PSME4: variants seen among roughly 807,000 people sequenced by gnomAD.
PSME4 encodes proteasome activator complex subunit 4.
Under a neutral mutation model 253.9 loss-of-function variants are expected in PSME4, and 89 were observed. That is an observed-to-expected ratio of 0.35 (90% CI 0.30 to 0.42). The LOEUF is 0.42. Among genes scored for constraint, PSME4 ranks in the 10% least tolerant of loss-of-function variants. The pLI is 1.00. For missense variants in PSME4, 2,014 were observed against 2,195.2 expected (o/e 0.92, Z 1.65); for synonymous variants, 851 against 759.2 (o/e 1.12, Z -1.99).
At chr2:53,963,069 C>A (rs1261048970) in intron 1 of PSME4, among the ~76,000 whole-genome samples, 1 of 151,524 alleles carries the variant, frequency 6.6e-6, no homozygotes, top group Non-Finnish European at 1.5e-5. Context: ...AATCCCAACA[C>A]TTTCCCAACA....
chr2:53,874,612 A>G (rs1679037805), intron 42 of PSME4, 118 bp from the exon 43 acceptor site: 2 of 1,040,588 alleles, frequency 1.9e-6, no homozygotes, highest in Non-Finnish European at 2.8e-6. Flanking sequence ...TTACACAGGT[A>G]TAGTTAGGAC....
At chr2:53,961,135 G>T (rs542823143) in intron 1 of PSME4, among the ~76,000 whole-genome samples, 1 of 152,080 alleles carries the variant, frequency 6.6e-6, no homozygotes, top group African/African-American at 2.4e-5. Flanking sequence ...AATGTTAAGT[G>T]TAAACCAAAT....
rs182361924 is a variant in PSME4 at position 53,892,215 on chromosome 2, C to T, written c.4191+593G>A. Among the ~76,000 whole-genome samples, 48 of 152,242 alleles carry T rather than the reference C, an allele frequency of 3.2e-4. 1 individual carries two copies. The East Asian group carries it at 9.1e-3, about 29-fold the overall frequency. Reference sequence around the variant, plus strand: ...AAAAACCCTATTTGTGTCATCTCTTCGACAAAATAGTGGTCTACCTTATGC... The same window carrying T: ...AAAAACCCTATTTGTGTCATCTCTTTGACAAAATAGTGGTCTACCTTATGC... On this transcript the variant is annotated intron_variant, in intron 36 of 46. Coordinates refer to ENST00000404125, the MANE Select transcript of PSME4 (RefSeq NM_014614.3).
intron 21 of PSME4, among the ~76,000 whole-genome samples, chr2:53,909,292 G>A (rs1243380113): frequency 1.3e-5 from 2 of 152,052 alleles, no homozygotes; most frequent in East Asian, 1.9e-4. Flanking sequence ...TTAATCCAGC[G>A]ATGAGAAAGG....
Position 53,901,446 on chromosome 2 carries a change from T to C in PSME4, c.3189A>G (p.Gln1063=), listed in dbSNP as rs2104435436. 1 of 1,614,150 alleles carries C rather than the reference T, an allele frequency of 6.2e-7. No homozygotes were observed. The highest frequency in any genetic ancestry group is 8.5e-7 in the Non-Finnish European group (1 of 1,179,988). ...TTGATGGCTTTTCCAGGGACATTGC[T>C]TGGCTAAGCCCTGAAGAAACAATCG... ...WPAIVSSGLS[Q]AMSLEKPSIV... is the part of the protein sequence containing the mutation. The change falls in exon 28 of 47, where the codon CAA becomes CAG. Residue 1063 remains glutamine, a synonymous_variant. Coordinates refer to ENST00000404125, the MANE Select transcript of PSME4 (RefSeq NM_014614.3).
Position 53,869,390 on chromosome 2 carries a change from G to T in PSME4, c.5249C>A (p.Thr1750Asn). 6.2e-7 allele frequency: 1 copy of T among 1,607,296 alleles called. No homozygotes were observed. Among genetic ancestry groups the T allele is most frequent in the Non-Finnish European group, 8.5e-7 (1 of 1,175,176 alleles). Reference protein sequence around the residue: ...RKRDPGSVGDTIPSAELVKRH... With the variant: ...RKRDPGSVGDNIPSAELVKRH... ...AGCAATGTTACCTGCAGAAGGAATG[G>T]TATCTCCTACAGAACCAGGGTCTCG... The change falls in exon 44 of 47, where the codon ACC becomes AAC. Residue 1750 changes from threonine (T) to asparagine (N), a missense_variant. By Grantham distance (65) the Thr-to-Asn change is moderately conservative. This residue lies in a region of PSME4 where 403 missense variants were observed against 556.1 expected (regional missense o/e 0.72). Coordinates refer to ENST00000404125, the MANE Select transcript of PSME4 (RefSeq NM_014614.3).
intron 39 of PSME4, 79 bp downstream of exon 39, chr2:53,887,779 A>G (rs1679708506): frequency 7.0e-7 from 1 of 1,423,528 alleles, no homozygotes; most frequent in African/African-American, 1.4e-5. Flanking sequence ...CATAACCAGC[A>G]TGTATTATTA....
At chr2:53,918,263 TG>T (rs1469341511) in intron 20 of PSME4, among the ~76,000 whole-genome samples, 6 of 152,208 alleles carry the variant, frequency 3.9e-5, no homozygotes, top group African/African-American at 1.4e-4. Context: ...ATATTGATGT[TG>T]AAAAAAATGG....
chr2:53,896,789 T>A lies in PSME4; in HGVS notation c.3688+15A>T. On this transcript the variant is annotated intron_variant, in intron 32 of 46. Coordinates refer to ENST00000404125, the MANE Select transcript of PSME4 (RefSeq NM_014614.3). ...TTATTGGAAAGCACTATTAATTACTTCTGGTAGTACTCACTGATTTCACAG... is the reference window on the plus strand; with the variant it reads ...TTATTGGAAAGCACTATTAATTACTACTGGTAGTACTCACTGATTTCACAG... 1 of 1,574,874 alleles carries A rather than the reference T, an allele frequency of 6.3e-7. No homozygotes were observed. The highest frequency in any genetic ancestry group is 2.2e-5 in the East Asian group (1 of 44,642).
chr2:53,866,906 G>A, intron 44 of PSME4, 26 bp from the exon 45 acceptor site: 2 of 1,607,334 alleles, frequency 1.2e-6, no homozygotes, highest in Non-Finnish European at 1.7e-6. Flanking sequence ...CAACATTTGT[G>A]CAAATATATA....
intron 4 of PSME4, among the ~76,000 whole-genome samples, chr2:53,938,517 C>G (rs1164027233): frequency 6.7e-6 from 1 of 148,508 alleles, no homozygotes; most frequent in Non-Finnish European, 1.5e-5. Context: ...ACTGTGTTTC[C>G]TAGGCTGGAC....
At chr2:53,882,444 C>G (rs185346798) in intron 41 of PSME4, among the ~76,000 whole-genome samples, 1 of 152,168 alleles carries the variant, frequency 6.6e-6, no homozygotes, top group Non-Finnish European at 1.5e-5. Context: ...CTCAGCCACC[C>G]ACTCCTCAAT....
intron 37 of PSME4, among the ~76,000 whole-genome samples, chr2:53,889,427 C>T (rs572181135): frequency 1.7e-4 from 26 of 151,598 alleles, no homozygotes; most frequent in South Asian, 6.2e-4. Context: ...GGAATAATGA[C>T]AAGAAAAAAA....
rs2104467199 is a variant in PSME4 at position 53,939,882 on chromosome 2, T to C, written c.545+74A>G. The stretch of plus-strand genomic sequence containing the variant: ...GAACTATTTATACTTTTCATTTCCT[T>C]TTCAAACCATACTAAAGATGTGGAA... On this transcript the variant is annotated intron_variant, in intron 4 of 46. Coordinates refer to ENST00000404125, the MANE Select transcript of PSME4 (RefSeq NM_014614.3). 5 of 1,336,090 alleles carry C rather than the reference T, an allele frequency of 3.7e-6. No homozygotes were observed. In the South Asian group the frequency reaches 6.7e-5, roughly 18 times the overall value. 82.8% of individuals were successfully genotyped at this position (1,336,090 alleles called of 1,614,324 possible).
intron 44 of PSME4, among the ~76,000 whole-genome samples, chr2:53,867,699 A>G (rs1181915125): frequency 1.3e-5 from 2 of 150,290 alleles, no homozygotes; most frequent in African/African-American, 4.9e-5. Context: ...AAGGATTTTT[A>G]AAGACTTCCA....
chr2:53,905,074 G>A (rs1160886530), intron 26 of PSME4, among the ~76,000 whole-genome samples: 2 of 149,512 alleles, frequency 1.3e-5, no homozygotes, highest in African/African-American at 4.9e-5. Context: ...CTGTCACCCA[G>A]GCTGGAGTGC....
chr2:53,949,308 C>G (rs1039913022), intron 1 of PSME4, 25 bp from the exon 2 acceptor site: 8 of 1,457,070 alleles, frequency 5.5e-6, no homozygotes, highest in Non-Finnish European at 7.5e-6. Context: ...TAGATATACC[C>G]TTTAAAAATA....
chr2:53,938,612 A>G (rs1669235563), intron 4 of PSME4, among the ~76,000 whole-genome samples: 1 of 151,974 alleles, frequency 6.6e-6, no homozygotes. Context: ...ACCCAGCCTT[A>G]AGAGGTTTAA....
In PSME4 at chr2:53,864,628, C is replaced by T. The variant is rs1042804406; in HGVS notation, c.*950G>A. 1 of 152,554 alleles carries T rather than the reference C, an allele frequency of 6.6e-6. No homozygotes were observed. The highest frequency in any genetic ancestry group is 6.5e-5 in the Admixed American group (1 of 15,274). 9.5% of individuals were successfully genotyped at this position (152,554 alleles called of 1,614,324 possible). On this transcript the variant is annotated 3_prime_UTR_variant, in exon 47 of 47. Coordinates refer to ENST00000404125, the MANE Select transcript of PSME4 (RefSeq NM_014614.3). ...CAATGTCTTGCCAATGCTATCTCTACAGTTTATACACTCTTTTACATTTAT... is the reference window on the plus strand; with the variant it reads ...CAATGTCTTGCCAATGCTATCTCTATAGTTTATACACTCTTTTACATTTAT...
Sources: allele counts gnomAD v4.1 joint callset (sites outside exome capture counted in the v4.1 genomes callset), GRCh38; gene constraint gnomAD v4.1.1; regional missense constraint gnomAD v4.1.1; transcripts MANE v1.5; gene names NCBI Gene and HGNC (gene_info 2026-07-23, HGNC 2026-07-21).